YIPF6: variants seen among roughly 807,000 people sequenced by gnomAD.
The protein encoded by YIPF6 is Yip1 domain family member 6.
A neutral mutation model predicts 16.8 loss-of-function variants in YIPF6; 3 were observed. The ratio of observed to expected loss-of-function variants is 0.18; its 90% CI spans 0.08 to 0.46. YIPF6 has a LOEUF of 0.46. YIPF6 is among the 20% of genes least tolerant of loss of function. The probability of loss-of-function intolerance (pLI) is 0.98; values close to 1 mark genes in which losing one functional copy is unlikely to be tolerated. For missense variants in YIPF6, 145 were observed against 184.9 expected (o/e 0.78, Z 1.25); for synonymous variants, 67 against 61.9 (o/e 1.08, Z -0.38).
intron 3 of YIPF6, among the ~76,000 whole-genome samples, chrX:68,518,181 A>C (rs2079111436): frequency 1.9e-5 from 2 of 107,058 alleles, no homozygotes; most frequent in South Asian, 8.6e-4. Flanking sequence ...CTGAGGCAGG[A>C]GAATTGCTTG....
chrX:68,523,105 A>T, intron 6 of YIPF6, among the ~76,000 whole-genome samples, 188 bp downstream of exon 6: 1 of 109,379 alleles, frequency 9.1e-6, no homozygotes, highest in East Asian at 2.9e-4. Context: ...ATCTGGACTT[A>T]TAAGATGTGG....
At chrX:68,517,955 G>A (rs1342598865) in intron 3 of YIPF6, among the ~76,000 whole-genome samples, 1 of 92,092 alleles carries the variant, frequency 1.1e-5, no homozygotes, top group Admixed American at 1.2e-4. Flanking sequence ...AACAGAGTGA[G>A]ACCCTGTTTC....
intron 6 of YIPF6, among the ~76,000 whole-genome samples, chrX:68,528,684 C>T (rs1440268397): frequency 9.0e-6 from 1 of 111,501 alleles, no homozygotes; most frequent in African/African-American, 3.3e-5. Flanking sequence ...CTGGTGGTGA[C>T]AAAATCTCTC....
chrX:68,499,279 G>A, intron 1 of YIPF6, 156 bp downstream of exon 1: 2 of 692,006 alleles, frequency 2.9e-6, no homozygotes, highest in African/African-American at 2.3e-5. Context: ...CACTGCACCT[G>A]TTCTTTGCGC....
At position 68,518,808 on chromosome X, in the gene YIPF6, G is replaced by T; in HGVS notation, c.304G>T (p.Ala102Ser). The change falls in exon 4 of 7, where the codon GCA (alanine) becomes TCA (serine). Residue 102 changes from alanine (A) to serine (S), a missense_variant. By Grantham distance (99) the Ala-to-Ser change is moderately conservative. Transcript: ENST00000462683. ...CCCTTTGATCCTTTGTGTGACACTC[G>T]CATTGTAAGTACTTGCATTTTCTTT... ...WGPLILCVTL[A>S]LMLQRDSADS... The T allele has an allele frequency of 8.5e-7, 1 of 1,177,088 alleles. No individual in the cohort carries two copies. The highest frequency in any genetic ancestry group is 3.2e-5 in the East Asian group (1 of 31,394).
At chrX:68,524,237 C>T (rs1287414661) in intron 6 of YIPF6, among the ~76,000 whole-genome samples, 2 of 110,766 alleles carry the variant, frequency 1.8e-5, no homozygotes, top group Non-Finnish European at 1.9e-5. Flanking sequence ...GGCACTATCT[C>T]GGCTCACTGT....
At chrX:68,503,918 C>G (rs986446253) in intron 1 of YIPF6, among the ~76,000 whole-genome samples, 3 of 111,923 alleles carry the variant, frequency 2.7e-5, no homozygotes, top group Non-Finnish European at 3.8e-5. Context: ...GGGGTTTCAC[C>G]CTGTTGGCCA....
At position 68,522,851 on chromosome X, in the gene YIPF6, C is replaced by A. The variant is rs149002058; in HGVS notation, c.526C>A (p.Pro176Thr). 8.3e-7 allele frequency: 1 copy of A among 1,208,895 alleles called. No individual in the cohort carries two copies. Among genetic ancestry groups the A allele is most frequent in the African/African-American group, 1.8e-5 (1 of 56,855 alleles). ...LICRLVLLADPGPVNFMVRLF... is the reference protein window; with the variant it reads ...LICRLVLLADTGPVNFMVRLF... ...TTGCCGGCTGGTACTTTTGGCTGAT[C>A]CAGGACCTGTAAACTTCATGGTTCG... The change falls in exon 6 of 7, where the codon CCA (proline) becomes ACA (threonine). Residue 176 changes from proline to threonine, a missense_variant. Transcript: ENST00000462683.
chrX:68,508,115 CTTT>C (rs564298459), intron 1 of YIPF6, among the ~76,000 whole-genome samples: 3 of 94,745 alleles, frequency 3.2e-5, no homozygotes, highest in Admixed American at 1.2e-4. Context: ...CTCAGCTATT[CTTT>C]TTTTTTTTTT....
rs1357955496 is a variant in YIPF6 at position 68,532,144 on chromosome X, T to TA, written c.*146dup. 4.7e-6 allele frequency: 2 copies of TA among 430,083 alleles called. No individual in the cohort carries two copies. Among genetic ancestry groups the TA allele is most frequent in the Non-Finnish European group, 7.9e-6 (2 of 252,071 alleles). The allele number at this position is 430,083 out of a possible 1,213,427, so 35.4% of individuals were successfully genotyped here. On this transcript the variant is annotated 3_prime_UTR_variant, in exon 7 of 7. Coordinates refer to ENST00000462683, the MANE Select transcript of YIPF6 (RefSeq NM_173834.4). ...AGGTGAGGAGATTAAAAGGGAGCCA[T>TA]ATAGCACTGTCACCCCTTATTTGAG...
At chrX:68,519,408 C>A (rs1013845444) in intron 4 of YIPF6, among the ~76,000 whole-genome samples, 1 of 111,764 alleles carries the variant, frequency 8.9e-6, no homozygotes, top group African/African-American at 3.2e-5. Flanking sequence ...CTACTAATAA[C>A]CAATGTTTGT....
chrX:68,518,178 A>T (rs1395039372), intron 3 of YIPF6, among the ~76,000 whole-genome samples: 1 of 107,299 alleles, frequency 9.3e-6, no homozygotes, highest in Non-Finnish European at 1.9e-5. Flanking sequence ...AGGCTGAGGC[A>T]GGAGAATTGC....
Position 68,532,105 on chromosome X carries a change from T to C in YIPF6, c.*106T>C. 1.7e-6 allele frequency: 1 copy of C among 596,251 alleles called. No homozygotes were observed. The highest frequency in any genetic ancestry group is 2.6e-6 in the Non-Finnish European group (1 of 378,800). The allele number at this position is 596,251 out of a possible 1,213,427, so 49.1% of individuals were successfully genotyped here. A position where few individuals can be genotyped will look rare whatever the true frequency, so the allele number is the denominator to read the frequency against. ...CCTTATTTGTCTAATTTTGGAGGTATTTGATAACTGAGTAGGTGAGGAGAT... is the reference window on the plus strand; with the variant it reads ...CCTTATTTGTCTAATTTTGGAGGTACTTGATAACTGAGTAGGTGAGGAGAT... On this transcript the variant is annotated 3_prime_UTR_variant, in exon 7 of 7. Transcript: ENST00000462683.
intron 6 of YIPF6, among the ~76,000 whole-genome samples, chrX:68,527,389 G>A (rs937048226): frequency 3.6e-5 from 4 of 110,072 alleles, no homozygotes; most frequent in African/African-American, 6.6e-5. Context: ...TCTGGCTAGC[G>A]GTCTATTTTG....
intron 6 of YIPF6, among the ~76,000 whole-genome samples, chrX:68,525,678 G>T (rs1237846335): frequency 9.0e-6 from 1 of 111,695 alleles, no homozygotes; most frequent in African/African-American, 3.3e-5. Flanking sequence ...ATAAGGAAAG[G>T]GTCCAGTTTC....
intron 1 of YIPF6, among the ~76,000 whole-genome samples, chrX:68,501,733 T>C (rs1408218350): frequency 8.9e-6 from 1 of 112,134 alleles, no homozygotes; most frequent in Non-Finnish European, 1.9e-5. Flanking sequence ...AGTATATTTA[T>C]AGAACAACAC....
At chrX:68,527,312 T>G (rs1421302855) in intron 6 of YIPF6, among the ~76,000 whole-genome samples, 1 of 112,004 alleles carries the variant, frequency 8.9e-6, no homozygotes, top group Non-Finnish European at 1.9e-5. Context: ...GTGGGATCAG[T>G]GTTGATCTTC....
intron 6 of YIPF6, among the ~76,000 whole-genome samples, chrX:68,530,190 T>C (rs2079165563): frequency 9.0e-6 from 1 of 111,624 alleles, no homozygotes; most frequent in Non-Finnish European, 1.9e-5. Context: ...AGAGAGGTAG[T>C]CTGGCTACAG....
At position 68,530,007 on chromosome X, in the gene YIPF6, C is replaced by T. The variant is rs181425883; in HGVS notation, c.593-1874C>T. The stretch of plus-strand genomic sequence containing the variant: ...CCCTTAGCAGAGTTGAAGCACTGTG[C>T]GCTGCTCTCTTCAGAGCTGGCAGGC... On this transcript the variant is annotated intron_variant, in intron 6 of 6. Transcript: ENST00000462683. 1.1e-4 allele frequency among the ~76,000 whole-genome samples: 12 copies of T among 112,110 alleles called. No homozygotes were observed. The East Asian group carries it at 3.4e-3, about 32-fold the overall frequency.
Sources: gnomAD v4.1 joint callset for allele counts (sites outside exome capture counted in the v4.1 genomes callset) on GRCh38, gnomAD v4.1.1 for gene constraint, MANE v1.5 for transcripts, NCBI Gene and HGNC (gene_info 2026-07-23, HGNC 2026-07-21) for gene names.